Variants in TJP1 observed in about 807,000 individuals in gnomAD.
TJP1 encodes the protein tight junction protein 1.
Under a neutral mutation model 194.2 loss-of-function variants are expected in TJP1, and 43 were observed. That is an observed-to-expected ratio of 0.22 (90% confidence interval 0.17 to 0.29). TJP1 has a LOEUF of 0.29. Among genes scored for constraint, TJP1 ranks in the 10% least tolerant of loss-of-function variants. TJP1 has a pLI of 1.00. For missense variants in TJP1, 1,971 were observed against 2,185.7 expected, an observed-to-expected ratio of 0.90 and a Z score of 1.96; for synonymous variants, 801 against 779.0, an observed-to-expected ratio of 1.03 and a Z score of -0.47.
intron 2 of TJP1, among the ~76,000 whole-genome samples, chr15:29,866,626 A>T (rs896437832): frequency 6.6e-6 from 1 of 152,214 alleles, no homozygotes; most frequent in Non-Finnish European, 1.5e-5. Context: ...TATGCAGAAA[A>T]AAAACAGGCT....
intron 1 of TJP1, among the ~76,000 whole-genome samples, chr15:29,802,991 T>A (rs368433907): frequency 6.6e-6 from 1 of 152,158 alleles, no homozygotes; most frequent in African/African-American, 2.4e-5. Flanking sequence ...ATGGGAAAAT[T>A]TATTTAACAT....
In TJP1 at chr15:29,833,486, C is replaced by T. The variant is rs565915753; in HGVS notation, c.307-32784G>A. ...TCAGCTCACTGCAACCTCTGCCTCC[C>T]GGGTTCAAGCAATTCTCATGTCTCA... On this transcript the variant is annotated intron_variant, in intron 2 of 28. Coordinates refer to the TJP1 transcript ENST00000356107. Among the ~76,000 whole-genome samples the T allele has an allele frequency of 3.3e-5, 5 of 152,026 alleles. No homozygotes were observed. In the East Asian group the frequency reaches 5.9e-4, roughly 18 times the overall value.
In TJP1 at chr15:29,705,736, A is replaced by G; in HGVS notation, c.4860T>C (p.Ala1620=). 2 of 1,614,118 alleles carry G rather than the reference A, an allele frequency of 1.2e-6. No individual in the cohort carries two copies. The highest frequency in any genetic ancestry group is 1.7e-6 in the Non-Finnish European group (2 of 1,180,018). ...CATCTTCATCTTCATCCTCTTCCAC[A>G]GCTGAAGGACTGAAAGTTCAGAAAT... The part of the protein sequence containing the change: ...VPKAIPVSPS[A]VEEDEDEDGH... The change falls in exon 26 of 28, where the codon GCT becomes GCC. Residue 1620 remains alanine (A), a synonymous_variant. Transcript: ENST00000614355.
chr15:29,738,831 A>G (rs1242754384), intron 10 of TJP1, among the ~76,000 whole-genome samples: 1 of 125,386 alleles, frequency 8.0e-6, no homozygotes, highest in African/African-American at 3.0e-5. Context: ...GTTTGTTCCC[A>G]GCCCTGATCA....
rs1286497063 is a variant in TJP1, at chr15:29,732,771, G to A, written c.1781C>T (p.Ala594Val). 2 of 1,613,712 alleles carry A rather than the reference G, an allele frequency of 1.2e-6. No individual in the cohort carries two copies. The highest frequency in any genetic ancestry group is 1.7e-6 in the Non-Finnish European group (2 of 1,179,912). Residue 594 changes from alanine (A) to valine (V), a missense_variant, in exon 14 of 28, where the codon GCA becomes GTA. By Grantham distance (64) the Ala-to-Val change is moderately conservative. This residue lies in a region of TJP1 where 402 missense variants were observed against 484.2 expected (regional missense o/e 0.83). Transcript: ENST00000614355. ...ASVQYTLPKT[A>V]GGDRADFWRF... ...CCAGAAGTCAGCACGGTCTCCGCCT[G>A]CTGTTTTTGGAAGTGTATACTGTAC... is the stretch of plus-strand genomic sequence containing the variant.
intron 24 of TJP1, among the ~76,000 whole-genome samples, chr15:29,710,152 G>GAA (rs141147225): frequency 4.3e-5 from 6 of 139,226 alleles, no homozygotes; most frequent in African/African-American, 1.6e-4. Flanking sequence ...TCAAAAAGAG[G>GAA]AAAAAAAAAA....
chr15:29,743,176 G>C (rs939701731), intron 8 of TJP1: 1 of 154,740 alleles, frequency 6.5e-6, no homozygotes, highest in Non-Finnish European at 1.4e-5. Flanking sequence ...CCTAAAAAAA[G>C]AGTTTAAACA....
At chr15:29,886,969 G>A (rs1243060345) in intron 2 of TJP1, among the ~76,000 whole-genome samples, 2 of 151,772 alleles carry the variant, frequency 1.3e-5, no homozygotes, top group Non-Finnish European at 2.9e-5. Flanking sequence ...TCCTGCAGGG[G>A]GACTGGCCCT....
intron 2 of TJP1, among the ~76,000 whole-genome samples, chr15:29,949,630 C>A (rs1315468205): frequency 2.4e-5 from 3 of 124,312 alleles, no homozygotes; most frequent in Non-Finnish European, 3.5e-5. Context: ...CCACCTCCAC[C>A]TCCACCACCT....
At chr15:29,841,384 T>G (rs1382147196) in intron 2 of TJP1, among the ~76,000 whole-genome samples, 1 of 152,230 alleles carries the variant, frequency 6.6e-6, no homozygotes, top group African/African-American at 2.4e-5. Context: ...ACAAACAACC[T>G]GCTGATTAAA....
At chr15:29,834,340 C>A (rs1489537103) in intron 2 of TJP1, among the ~76,000 whole-genome samples, 1 of 151,980 alleles carries the variant, frequency 6.6e-6, no homozygotes, top group Non-Finnish European at 1.5e-5. Flanking sequence ...TCTGCCTCAG[C>A]CTCCAGAGTA....
chr15:29,749,597 G>C (rs1215155190), intron 8 of TJP1, among the ~76,000 whole-genome samples: 2 of 152,126 alleles, frequency 1.3e-5, no homozygotes, highest in Admixed American at 1.3e-4. Context: ...CTGCTCCAGA[G>C]ACTCTCTCAA....
chr15:29,722,765 G>C (rs1490682144), intron 18 of TJP1, among the ~76,000 whole-genome samples: 1 of 152,200 alleles, frequency 6.6e-6, no homozygotes, highest in African/African-American at 2.4e-5. Context: ...TCCATGAAAG[G>C]AGCTGCAGGG....
At chr15:29,744,037 G>A (rs1287793037) in intron 8 of TJP1, among the ~76,000 whole-genome samples, 8 of 152,068 alleles carry the variant, frequency 5.3e-5, no homozygotes, top group Admixed American at 2.0e-4. Context: ...AAATTAGCCC[G>A]GCGTGGTGGC....
At chr15:29,795,028 A>T (rs765041787) in intron 2 of TJP1, among the ~76,000 whole-genome samples, 9 of 152,246 alleles carry the variant, frequency 5.9e-5, no homozygotes, top group Non-Finnish European at 1.3e-4. Context: ...AAAACAAAAC[A>T]GCATTATAGA....
Position 29,708,858 on chromosome 15 carries a change from C to T in TJP1, c.4551G>A (p.Gln1517=), listed in dbSNP as rs1388641002. 1 of 1,614,008 alleles carries T rather than the reference C, an allele frequency of 6.2e-7. No individual in the cohort carries two copies. Among genetic ancestry groups the T allele is most frequent in the African/African-American group, 1.3e-5 (1 of 74,910 alleles). ...GATTGTATGCTGGAGTGACTGTTTT[C>T]TGAGTCTGTTCAGTTCCATTAACTG... ...KAPVNGTEQT[Q]KTVTPAYNRF... The change falls in exon 25 of 28, where the codon CAG becomes CAA. Residue 1517 remains glutamine, a synonymous_variant. Transcript: ENST00000614355.
intron 2 of TJP1, among the ~76,000 whole-genome samples, chr15:29,928,318 A>G (rs531308903): frequency 6.6e-6 from 1 of 152,356 alleles, no homozygotes; most frequent in Admixed American, 6.5e-5. Flanking sequence ...GCATATTAAA[A>G]CTAAAATAAA....
intron 1 of TJP1, among the ~76,000 whole-genome samples, chr15:29,958,218 T>G (rs929216463): frequency 6.6e-6 from 1 of 152,156 alleles, no homozygotes. Context: ...CCCATCTACA[T>G]TTTTATATTA....
At chr15:29,785,081 T>C (rs1238923721) in intron 2 of TJP1, among the ~76,000 whole-genome samples, 2 of 152,186 alleles carry the variant, frequency 1.3e-5, no homozygotes. Flanking sequence ...ACGTAAAAAT[T>C]GTATAGTTCT....
Sources: gnomAD v4.1 joint callset for allele counts (sites outside exome capture counted in the v4.1 genomes callset) on GRCh38, gnomAD v4.1.1 for gene constraint, gnomAD v4.1.1 regional missense constraint, MANE v1.5 for transcripts, NCBI Gene and HGNC (gene_info 2026-07-23, HGNC 2026-07-21) for gene names.